Variants in NPHS2 observed in about 807,000 individuals in gnomAD.
The protein encoded by NPHS2 is NPHS2 stomatin family member, podocin.
NPHS2 carries 36 observed loss-of-function variants against 37.1 expected under a neutral mutation model. The observed-to-expected ratio is 0.97, with a 90% CI of 0.74 to 1.28. The LOEUF (loss-of-function observed/expected upper bound fraction) is 1.28, where lower values mean the gene tolerates loss of function less well. Ranked by LOEUF, NPHS2 falls within the 50% of genes most tolerant of loss-of-function variation. The pLI is 0.00. For missense variants in NPHS2, 447 were observed against 488.1 expected, an observed-to-expected ratio of 0.92 and a Z score of 0.79; for synonymous variants, 196 against 189.3, an observed-to-expected ratio of 1.04 and a Z score of -0.29.
In NPHS2 at chr1:179,564,032, G is replaced by T. The variant is rs144600350; in HGVS notation, c.378+658C>A. Among the ~76,000 whole-genome samples the T allele has an allele frequency of 1.2e-4, 19 of 152,284 alleles. No individual in the cohort carries two copies. The East Asian group carries it at 3.7e-3, about 29-fold the overall frequency. On this transcript the variant is annotated intron_variant, in intron 2 of 7. Transcript: ENST00000367615. Reference sequence around the variant, plus strand: ...ACCTTGCTCCGGAGTTCCCTTTTGGGCTGGCCAATGCTTTCTCAGAGCTGC... The same window carrying T: ...ACCTTGCTCCGGAGTTCCCTTTTGGTCTGGCCAATGCTTTCTCAGAGCTGC...
chr1:179,575,224 C>T (rs566441977), intron 1 of NPHS2, among the ~76,000 whole-genome samples: 1 of 152,286 alleles, frequency 6.6e-6, no homozygotes, highest in South Asian at 2.1e-4. Flanking sequence ...CAGCCTACAG[C>T]CACCAGCTCG....
chr1:179,570,104 G>A (rs1674496240), intron 1 of NPHS2, among the ~76,000 whole-genome samples: 1 of 152,104 alleles, frequency 6.6e-6, no homozygotes, highest in Admixed American at 6.5e-5. Flanking sequence ...TGCTAGATTG[G>A]GGAAGTTCTC....
chr1:179,559,196 T>C (rs910746043), intron 4 of NPHS2, among the ~76,000 whole-genome samples: 1 of 152,190 alleles, frequency 6.6e-6, no homozygotes, highest in African/African-American at 2.4e-5. Flanking sequence ...AGCCCTTCAA[T>C]TAATTGGATG....
At position 179,556,961 on chromosome 1, in the gene NPHS2, G is replaced by T; in HGVS notation, c.738+66C>A. The T allele has an allele frequency of 3.6e-6, 5 of 1,402,910 alleles. No homozygotes were observed. The Admixed American group carries it at 9.7e-5, about 27-fold the overall frequency. 86.9% of individuals were successfully genotyped at this position (1,402,910 alleles called of 1,614,324 possible). On this transcript the variant is annotated intron_variant, in intron 5 of 7. Transcript: ENST00000367615. This position sits in a 1 kb window ranked among gnomAD's most constrained non-coding sequence, Gnocchi z 4.1. The stretch of plus-strand genomic sequence containing the variant: ...ACTGGCCATAGAAGATTTAATAAAT[G>T]TCCAATGAACAAATGAATAAAAGAT...
rs781071984 is a variant in NPHS2 at position 179,557,027 on chromosome 1, C to A, written c.738G>T (p.Lys246Asn). The A allele has an allele frequency of 1.2e-6, 2 of 1,610,854 alleles. No individual in the cohort carries two copies. The highest frequency in any genetic ancestry group is 3.3e-5 in the Admixed American group (2 of 59,860). Residue 246 changes from lysine to asparagine, a missense_variant and splice_region_variant, in exon 5 of 8, where the codon AAG becomes AAT. Physicochemically the swap from Lys to Asn is moderately conservative, Grantham distance 94. Coordinates refer to ENST00000367615, the MANE Select transcript of NPHS2 (RefSeq NM_014625.4). ...LERKSIAQDA[K>N]VALDSVTCIW... The stretch of plus-strand genomic sequence containing the variant: ...TTGGCCATTATGTTTATCTAAGTAC[C>A]TTTGCATCTTGGGCGATGCTCTTCC...
rs368809125 is a variant in NPHS2, at chr1:179,551,501, G to C, written c.874-50C>G. 1.2e-5 allele frequency: 19 copies of C among 1,606,132 alleles called. No homozygotes were observed. In the African/African-American group the frequency reaches 1.5e-4, roughly 12 times the overall value. ...AGTGATTGTTCTTCATTCCCTGAAG[G>C]CTTCACCACTATGCAGTATGACTCA... On this transcript the variant is annotated intron_variant, in intron 7 of 7. Transcript: ENST00000367615.
chr1:179,575,785 GC>G lies in NPHS2; in HGVS notation c.79del (p.Ala27GlnfsTer72). The G allele has an allele frequency of 6.7e-7, 1 of 1,498,802 alleles. No homozygotes were observed. The highest frequency in any genetic ancestry group is 8.9e-7 in the Non-Finnish European group (1 of 1,128,742). 92.8% of individuals were successfully genotyped at this position (1,498,802 alleles called of 1,614,324 possible). A position where few individuals can be genotyped will look rare whatever the true frequency, so the allele number is the denominator to read the frequency against. ...GRTPHKENKRAKAERSGGGRG... is the reference protein window; with the variant it reads ...GRTPHKENKRXKAERSGGGRG... ...GCCTCCGCCGCTCCTCTCGGCCTTTGCCCTCTTGTTCTCCTTGTGCGGAGTC... is the reference window on the plus strand; with the variant it reads ...GCCTCCGCCGCTCCTCTCGGCCTTTGCCTCTTGTTCTCCTTGTGCGGAGTC... On this transcript the variant is annotated frameshift_variant, in exon 1 of 8. Coordinates refer to ENST00000367615, the MANE Select transcript of NPHS2 (RefSeq NM_014625.4). LOFTEE classifies it high-confidence loss of function.
rs1261794502 is a variant in NPHS2, at chr1:179,551,144, C to T, written c.*29G>A. On this transcript the variant is annotated 3_prime_UTR_variant, in exon 8 of 8. Transcript: ENST00000367615. ...CATGTGACTTTTCTATGGCAGGCCC[C>T]TTTACAGTCACATTATGCCCCATCC... 1 of 1,613,124 alleles carries T rather than the reference C, an allele frequency of 6.2e-7. No homozygotes were observed. Among genetic ancestry groups the T allele is most frequent in the Non-Finnish European group, 8.5e-7 (1 of 1,179,840 alleles).
At position 179,560,026 on chromosome 1, in the gene NPHS2, G is replaced by A. The variant is rs148861944; in HGVS notation, c.452-265C>T. Among the ~76,000 whole-genome samples the A allele has an allele frequency of 4.0e-3, 613 of 152,240 alleles. 4 individuals carry two copies. Among genetic ancestry groups the A allele is most frequent in the African/African-American group, 0.014 (584 of 41,536 alleles). ...TTTAGTCATGGTGCTGCCTCCCCAGGTCTCAATTGCGTGTCTGTCCTTTCA... is the reference window on the plus strand; with the variant it reads ...TTTAGTCATGGTGCTGCCTCCCCAGATCTCAATTGCGTGTCTGTCCTTTCA... On this transcript the variant is annotated intron_variant, in intron 3 of 7. Transcript: ENST00000367615.
At chr1:179,570,223 G>A (rs1287060944) in intron 1 of NPHS2, among the ~76,000 whole-genome samples, 1 of 152,130 alleles carries the variant, frequency 6.6e-6, no homozygotes, top group African/African-American at 2.4e-5. Context: ...TTACCCAGTG[G>A]TGCTAAAGGA....
intron 1 of NPHS2, among the ~76,000 whole-genome samples, chr1:179,565,274 AAAAAT>A (rs1425707001): frequency 3.3e-5 from 5 of 152,148 alleles, no homozygotes; most frequent in Admixed American, 6.5e-5. Context: ...ATCTTGTCTC[AAAAAT>A]AAAATAAAAA....
At chr1:179,572,237 G>C (rs1359211844) in intron 1 of NPHS2, among the ~76,000 whole-genome samples, 1 of 152,220 alleles carries the variant, frequency 6.6e-6, no homozygotes, top group African/African-American at 2.4e-5. Context: ...CACATGTCCA[G>C]AGGCTTATCT....
At chr1:179,568,217 G>A (rs983501386) in intron 1 of NPHS2, among the ~76,000 whole-genome samples, 2 of 152,114 alleles carry the variant, frequency 1.3e-5, no homozygotes, top group African/African-American at 4.8e-5. Context: ...ATTATTTATT[G>A]CCTCAATTTC....
intron 1 of NPHS2, among the ~76,000 whole-genome samples, chr1:179,566,443 C>A (rs1236268106): frequency 1.3e-5 from 2 of 152,126 alleles, no homozygotes; most frequent in East Asian, 3.9e-4. Context: ...TGTTTGAGTT[C>A]TTTGTAGATT....
At chr1:179,555,080 G>A (rs986833329) in intron 5 of NPHS2, among the ~76,000 whole-genome samples, 2 of 152,174 alleles carry the variant, frequency 1.3e-5, no homozygotes, top group Admixed American at 1.3e-4. Flanking sequence ...TCTCCTCTCA[G>A]AACCTCCAGA....
chr1:179,560,993 CA>C (rs1674115789), intron 3 of NPHS2, among the ~76,000 whole-genome samples: 1 of 152,250 alleles, frequency 6.6e-6, no homozygotes, highest in Non-Finnish European at 1.5e-5. Flanking sequence ...TGACCATATA[CA>C]CATCGTACTC....
In NPHS2 at chr1:179,557,049, T is replaced by G. The variant is rs779468417; in HGVS notation, c.716A>C (p.Lys239Thr). 1.2e-6 allele frequency: 2 copies of G among 1,613,924 alleles called. No individual in the cohort carries two copies. The highest frequency in any genetic ancestry group is 1.7e-6 in the Non-Finnish European group (2 of 1,179,896). The change falls in exon 5 of 8, where the codon AAG (lysine) becomes ACG (threonine). Residue 239 changes from lysine (K) to threonine (T), a missense_variant. Coordinates refer to ENST00000367615, the MANE Select transcript of NPHS2 (RefSeq NM_014625.4). ...TACCTTTGCATCTTGGGCGATGCTC[T>G]TCCTCTCTAGAAGAATTTCAGTGAG... Reference protein sequence around the residue: ...RSLTEILLERKSIAQDAKVAL... With the variant: ...RSLTEILLERTSIAQDAKVAL...
intron 1 of NPHS2, among the ~76,000 whole-genome samples, chr1:179,573,156 G>T (rs1674625879): frequency 6.6e-6 from 1 of 152,054 alleles, no homozygotes; most frequent in Admixed American, 6.5e-5. Context: ...TAAGAGATGG[G>T]GACAAAGGGG....
At chr1:179,566,165 C>T (rs1395641380) in intron 1 of NPHS2, among the ~76,000 whole-genome samples, 1 of 152,254 alleles carries the variant, frequency 6.6e-6, no homozygotes, top group Admixed American at 6.5e-5. Context: ...AATGGTTGAA[C>T]TAATTTACAC....
Sources: gnomAD v4.1 joint callset for allele counts (sites outside exome capture counted in the v4.1 genomes callset) on GRCh38, gnomAD v4.1.1 for gene constraint, Gnocchi (gnomAD v3.1) non-coding constraint, MANE v1.5 for transcripts, NCBI Gene and HGNC (gene_info 2026-07-23, HGNC 2026-07-21) for gene names.